NEDD4: variants seen among roughly 807,000 people sequenced by gnomAD.
NEDD4 encodes the protein NEDD4 E3 ubiquitin protein ligase.
In NEDD4, 99 loss-of-function variants were observed where a neutral mutation model predicts 144.9. The observed-to-expected ratio is 0.68, with a 90% CI of 0.58 to 0.81. NEDD4 has a LOEUF of 0.81. NEDD4 is among the 30% of genes least tolerant of loss of function. The pLI, the probability that NEDD4 is intolerant of heterozygous loss-of-function variation, is 0.00. For synonymous variants in NEDD4, 318 were observed against 350.6 expected (o/e 0.91, Z 1.04); for missense variants, 985 against 1,065.9 (o/e 0.92, Z 1.06).
intron 1 of NEDD4, among the ~76,000 whole-genome samples, chr15:55,975,982 T>C (rs2037692583): frequency 6.6e-6 from 1 of 152,208 alleles, no homozygotes; most frequent in Non-Finnish European, 1.5e-5. Context: ...TCTATACATC[T>C]ATAGTGAACT....
Position 55,829,405 on chromosome 15 carries a change from A to G in NEDD4, c.*492T>C, listed in dbSNP as rs1183376740. On this transcript the variant is annotated 3_prime_UTR_variant, in exon 29 of 29. Transcript: ENST00000435532. ...AATAAATAGCTGCGAGTAGCACTAA[A>G]TATATTGTAGTTTACTCAATAGTAA... 2 of 153,490 alleles carry G rather than the reference A, an allele frequency of 1.3e-5. No homozygotes were observed. The highest frequency in any genetic ancestry group is 4.8e-5 in the African/African-American group (2 of 41,476). 9.5% of individuals were successfully genotyped at this position (153,490 alleles called of 1,614,324 possible). A position where few individuals can be genotyped will look rare whatever the true frequency, so the allele number is the denominator to read the frequency against.
chr15:55,984,314 ACACTTCTCCC>A (rs1157318176), intron 1 of NEDD4, among the ~76,000 whole-genome samples: 1 of 152,188 alleles, frequency 6.6e-6, no homozygotes, highest in East Asian at 1.9e-4. Flanking sequence ...TATGAATATA[ACACTTCTCCC>A]TACTGGGAGA....
intron 1 of NEDD4, among the ~76,000 whole-genome samples, chr15:55,977,067 G>C (rs2037715041): frequency 6.6e-6 from 1 of 152,200 alleles, no homozygotes; most frequent in Admixed American, 6.5e-5. Flanking sequence ...AGAAGTCTGA[G>C]TGGGAGAAAA....
intron 5 of NEDD4, among the ~76,000 whole-genome samples, chr15:55,893,579 C>A (rs2035639518): frequency 1.3e-5 from 2 of 151,274 alleles, no homozygotes; most frequent in Non-Finnish European, 2.9e-5. Flanking sequence ...ATTTATAAGA[C>A]ATTTAATTTT....
chr15:55,960,246 G>T (rs1472574491), intron 2 of NEDD4, among the ~76,000 whole-genome samples: 6 of 152,126 alleles, frequency 3.9e-5, no homozygotes, highest in Non-Finnish European at 7.3e-5. Flanking sequence ...TGTCTGTGAG[G>T]GTGTTGCCAA....
At chr15:55,984,741 A>G (rs1030321379) in intron 1 of NEDD4, among the ~76,000 whole-genome samples, 6 of 152,226 alleles carry the variant, frequency 3.9e-5, no homozygotes, top group Non-Finnish European at 8.8e-5. Flanking sequence ...ATTTATCTCC[A>G]GACTTCTCCT....
intron 5 of NEDD4, among the ~76,000 whole-genome samples, chr15:55,892,020 C>T (rs62043805): frequency 0.12 from 18,408 of 152,082 alleles, 1,338 homozygotes; most frequent in East Asian, 0.36. Flanking sequence ...AATCCTAACA[C>T]TCTGGGAGGC....
chr15:55,956,963 G>A (rs900905447), intron 2 of NEDD4, among the ~76,000 whole-genome samples: 21 of 152,036 alleles, frequency 1.4e-4, no homozygotes, highest in African/African-American at 4.1e-4. Flanking sequence ...TGTTGTCTTC[G>A]ACTTCTCTCA....
At chr15:55,902,865 G>A (rs1444750438) in intron 5 of NEDD4, among the ~76,000 whole-genome samples, 1 of 152,154 alleles carries the variant, frequency 6.6e-6, no homozygotes, top group African/African-American at 2.4e-5. Flanking sequence ...GGTCAGCATG[G>A]TGGCAGGTGC....
intron 5 of NEDD4, among the ~76,000 whole-genome samples, chr15:55,878,563 A>G (rs1175604847): frequency 6.6e-6 from 1 of 152,204 alleles, no homozygotes; most frequent in Non-Finnish European, 1.5e-5. Context: ...TCTCTTATAA[A>G]GTTAAACATA....
In NEDD4 at chr15:55,901,792, C is replaced by A. The variant is rs76759606; in HGVS notation, c.291+22854G>T. ...CATGGCACTTTACAGTTTACAGTGC[C>A]TTCAGACACTCTCACAACAATATAA... On this transcript the variant is annotated intron_variant, in intron 5 of 28. Transcript: ENST00000435532. Among the ~76,000 whole-genome samples, 1,373 of 152,126 alleles carry A rather than the reference C, an allele frequency of 9.0e-3. 11 individuals carry two copies. The highest frequency in any genetic ancestry group is 0.029 in the African/African-American group (1,204 of 41,508).
At chr15:55,853,914 C>G (rs569645072) in intron 12 of NEDD4, among the ~76,000 whole-genome samples, 1 of 152,126 alleles carries the variant, frequency 6.6e-6, no homozygotes, top group Non-Finnish European at 1.5e-5. Flanking sequence ...CTGCTTGAAC[C>G]GGGAGGCAGA....
chr15:55,849,868 C>T (rs975951278), intron 14 of NEDD4, among the ~76,000 whole-genome samples: 1 of 151,544 alleles, frequency 6.6e-6, no homozygotes, highest in Non-Finnish European at 1.5e-5. Flanking sequence ...TCTTGGCTCA[C>T]TGCAACCTCC....
At chr15:55,962,399 T>C (rs1259424277) in intron 2 of NEDD4, among the ~76,000 whole-genome samples, 2 of 152,210 alleles carry the variant, frequency 1.3e-5, no homozygotes, top group Non-Finnish European at 2.9e-5. Flanking sequence ...GGATTTAGTC[T>C]ACAGGTTTAT....
intron 1 of NEDD4, among the ~76,000 whole-genome samples, chr15:55,974,177 G>A (rs1190732903): frequency 3.3e-5 from 5 of 152,106 alleles, no homozygotes; most frequent in African/African-American, 9.7e-5. Context: ...AAAGGAAATG[G>A]ATAAATTCCT....
At chr15:55,966,629 A>T in intron 1 of NEDD4, 83 bp from the exon 2 acceptor site, 1 of 585,932 alleles carries the variant, frequency 1.7e-6, no homozygotes, top group South Asian at 3.3e-5. Context: ...TATATCAAAT[A>T]AAGTAATTAG....
At chr15:55,870,933 A>AT (rs1270928779) in intron 7 of NEDD4, among the ~76,000 whole-genome samples, 18 of 152,084 alleles carry the variant, frequency 1.2e-4, no homozygotes, top group Non-Finnish European at 1.5e-5. Context: ...TTTGGGGATG[A>AT]TTTTTTACAG....
intron 11 of NEDD4, among the ~76,000 whole-genome samples, chr15:55,856,583 CT>C (rs76067397): frequency 0.12 from 17,899 of 152,204 alleles, 1,274 homozygotes; most frequent in East Asian, 0.36. Flanking sequence ...GTCTTACTTC[CT>C]TAAGTCCATT....
At chr15:55,851,529 T>G (rs1046220903) in intron 13 of NEDD4, among the ~76,000 whole-genome samples, 1 of 151,822 alleles carries the variant, frequency 6.6e-6, no homozygotes, top group Non-Finnish European at 1.5e-5. Flanking sequence ...CAGGCTGGAG[T>G]GCAATGGCAT....
Sources: gnomAD v4.1 joint callset for allele counts (sites outside exome capture counted in the v4.1 genomes callset) on GRCh38, gnomAD v4.1.1 for gene constraint, MANE v1.5 for transcripts, NCBI Gene and HGNC (gene_info 2026-07-23, HGNC 2026-07-21) for gene names.